The following TRAM1 variants were observed in gnomAD, a reference collection of about 807,000 sequenced individuals.
The protein encoded by TRAM1 is translocating chain-associated membrane protein 1.
In TRAM1, 17 loss-of-function variants were observed where a neutral mutation model predicts 48.7. The observed-to-expected ratio is 0.35, with a 90% CI of 0.24 to 0.52. TRAM1 has a LOEUF of 0.52. TRAM1 is among the 20% of genes least tolerant of loss of function. TRAM1 has a pLI of 0.94. For synonymous variants in TRAM1, 182 were observed against 154.0 expected (o/e 1.18, Z -1.34); for missense variants, 351 against 441.5 (o/e 0.79, Z 1.84).
In TRAM1 at chr8:70,596,312, T is replaced by C; in HGVS notation, c.436A>G (p.Ile146Val). The C allele has an allele frequency of 1.9e-6, 3 of 1,597,132 alleles. No individual in the cohort carries two copies. Among genetic ancestry groups the C allele is most frequent in the East Asian group, 4.6e-5 (2 of 43,622 alleles). Residue 146 changes from isoleucine to valine, a missense_variant, in exon 5 of 11, where the codon ATC becomes GTC. Ile to Val is a conservative substitution (Grantham distance 29). Coordinates refer to ENST00000262213, the MANE Select transcript of TRAM1 (RefSeq NM_014294.6). ...CTCCATAAGATAGTTGGGTCTGAGA[T>C]GTAGTTTTCCTAAGAAAGAAGATAT... ...GTFILISENY[I>V]SDPTILWRAY... is the part of the protein sequence containing the mutation.
intron 2 of TRAM1, among the ~76,000 whole-genome samples, chr8:70,598,954 T>A (rs529845461): frequency 2.0e-5 from 3 of 152,300 alleles, no homozygotes; most frequent in South Asian, 4.1e-4. Context: ...TTTACAAAAC[T>A]GTACATAACT....
chr8:70,574,364 T>G lies in TRAM1; in HGVS notation c.*568A>C, dbSNP rs923868025. 3.5e-6 allele frequency: 1 copy of G among 282,836 alleles called. No homozygotes were observed. Among genetic ancestry groups the G allele is most frequent in the African/African-American group, 2.3e-5 (1 of 42,958 alleles). The allele number at this position is 282,836 out of a possible 1,614,324, so 17.5% of individuals were successfully genotyped here. A position where few individuals can be genotyped will look rare whatever the true frequency, so the allele number is the denominator to read the frequency against. On this transcript the variant is annotated 3_prime_UTR_variant, in exon 11 of 11. Coordinates refer to ENST00000262213, the MANE Select transcript of TRAM1 (RefSeq NM_014294.6). ...TATGTTTTTGTTTTTAAAATGGGGA[T>G]GTAATACTAATAACCACTACCTATA...
chr8:70,583,058 G>T, intron 10 of TRAM1, 106 bp downstream of exon 10: 1 of 1,256,750 alleles, frequency 8.0e-7, no homozygotes, highest in Non-Finnish European at 1.1e-6. Flanking sequence ...AAGCAGAATA[G>T]TATTTTCTTT....
chr8:70,598,968 C>G (rs987509298), intron 2 of TRAM1, among the ~76,000 whole-genome samples: 5 of 152,096 alleles, frequency 3.3e-5, no homozygotes, highest in African/African-American at 1.2e-4. Context: ...CATAACTGAA[C>G]AAAAACCCAA....
intron 6 of TRAM1, among the ~76,000 whole-genome samples, chr8:70,590,687 C>T (rs1243950370): frequency 1.3e-5 from 2 of 152,142 alleles, no homozygotes; most frequent in Admixed American, 1.3e-4. Flanking sequence ...GATAGTCAAC[C>T]GAGTCAATAA....
Position 70,583,068 on chromosome 8 carries a change from T to C in TRAM1, c.1051+96A>G, listed in dbSNP as rs1817114774. ...TTGAAAAGCAGAATAGTATTTTCTT[T>C]ATAAGACACCTTAAAACTAATAAAT... On this transcript the variant is annotated intron_variant, in intron 10 of 10. Coordinates refer to ENST00000262213, the MANE Select transcript of TRAM1 (RefSeq NM_014294.6). The C allele has an allele frequency of 5.2e-6, 7 of 1,353,906 alleles. No homozygotes were observed. In the South Asian group the frequency reaches 1.1e-4, roughly 20 times the overall value. The allele number at this position is 1,353,906 out of a possible 1,614,324, so 83.9% of individuals were successfully genotyped here.
At chr8:70,593,036 C>T (rs2132036837) in intron 6 of TRAM1, among the ~76,000 whole-genome samples, 1 of 152,218 alleles carries the variant, frequency 6.6e-6, no homozygotes, top group South Asian at 2.1e-4. Context: ...GAATCTGGGC[C>T]TAACAATTTT....
Position 70,583,307 on chromosome 8 carries a change from G to A in TRAM1, c.908C>T (p.Ser303Phe). The change falls in exon 10 of 11, where the codon TCC becomes TTC. Residue 303 changes from serine (S) to phenylalanine (F), a missense_variant. Coordinates refer to ENST00000262213, the MANE Select transcript of TRAM1 (RefSeq NM_014294.6). Reference sequence around the variant, plus strand: ...CATAAATGCCTGAGTAACGCAAATGGATGCCAGAACAGCGATTCTAAGAAA... The same window carrying A: ...CATAAATGCCTGAGTAACGCAAATGAATGCCAGAACAGCGATTCTAAGAAA... Reference protein sequence around the residue: ...VLAVRIAVLASICVTQAFMMW... With the variant: ...VLAVRIAVLAFICVTQAFMMW... 4 of 1,613,446 alleles carry A rather than the reference G, an allele frequency of 2.5e-6. No homozygotes were observed. The highest frequency in any genetic ancestry group is 1.1e-5 in the South Asian group (1 of 90,894).
chr8:70,576,330 C>T (rs944594426), intron 10 of TRAM1, among the ~76,000 whole-genome samples: 2 of 151,890 alleles, frequency 1.3e-5, no homozygotes, highest in East Asian at 1.9e-4. Context: ...AAAATCAACA[C>T]AAAAAGACAA....
intron 9 of TRAM1, 35 bp downstream of exon 9, chr8:70,583,615 T>G: frequency 6.3e-7 from 1 of 1,597,342 alleles, no homozygotes. Flanking sequence ...ATTATCTAGC[T>G]GTATAAAGTG....
At chr8:70,575,051 G>A in intron 10 of TRAM1, 46 bp from the exon 11 acceptor site, 3 of 1,364,850 alleles carry the variant, frequency 2.2e-6, no homozygotes, top group Non-Finnish European at 3.1e-6. Flanking sequence ...ATAAATAAAT[G>A]CAAGTTATAA....
intron 5 of TRAM1, among the ~76,000 whole-genome samples, chr8:70,595,535 AAT>A (rs1817468543): frequency 6.6e-6 from 1 of 152,156 alleles, no homozygotes; most frequent in East Asian, 1.9e-4. Flanking sequence ...AAGCACTTGC[AAT>A]GTACCTGGCA....
At chr8:70,577,766 G>C (rs771478121) in intron 10 of TRAM1, among the ~76,000 whole-genome samples, 1 of 152,238 alleles carries the variant, frequency 6.6e-6, no homozygotes, top group Non-Finnish European at 1.5e-5. Context: ...GGGGCTCCCT[G>C]AGCCAGGGCT....
intron 10 of TRAM1, 31 bp downstream of exon 10, chr8:70,583,133 A>G (rs748580578): frequency 1.6e-5 from 26 of 1,584,040 alleles, no homozygotes; most frequent in Non-Finnish European, 8.6e-6. Context: ...TTCTACTTCC[A>G]TGAGTTTTTC....
intron 1 of TRAM1, chr8:70,607,221 C>T: frequency 5.1e-6 from 5 of 985,308 alleles, no homozygotes; most frequent in Non-Finnish European, 6.0e-6. Context: ...CATTCAACAG[C>T]TGTTAAATAA....
intron 10 of TRAM1, among the ~76,000 whole-genome samples, chr8:70,578,820 A>G (rs893676552): frequency 6.6e-6 from 1 of 152,244 alleles, no homozygotes; most frequent in Non-Finnish European, 1.5e-5. Flanking sequence ...CTATTATTAC[A>G]TGAACAAAGA....
intron 6 of TRAM1, among the ~76,000 whole-genome samples, chr8:70,594,261 A>G (rs1310060069): frequency 1.3e-5 from 2 of 151,928 alleles, no homozygotes; most frequent in Non-Finnish European, 2.9e-5. Flanking sequence ...ACAAGCCATT[A>G]ACATATCAAA....
At chr8:70,591,909 TGTC>T (rs1817373652) in intron 6 of TRAM1, among the ~76,000 whole-genome samples, 2 of 151,876 alleles carry the variant, frequency 1.3e-5, no homozygotes, top group African/African-American at 4.8e-5. Context: ...GTGGAAAAAA[TGTC>T]ATCAGATTAA....
At position 70,574,583 on chromosome 8, in the gene TRAM1, T is replaced by C. The variant is rs1271782131; in HGVS notation, c.*349A>G. ...CTTAGAACAGGCCACTCTGCTATTA[T>C]AAAAAATTGGTGACAGCAAGAAATT... On this transcript the variant is annotated 3_prime_UTR_variant, in exon 11 of 11. Transcript: ENST00000262213. The C allele has an allele frequency of 4.7e-6, 1 of 213,098 alleles. No individual in the cohort carries two copies. The highest frequency in any genetic ancestry group is 2.4e-5 in the African/African-American group (1 of 42,034). 13.2% of individuals were successfully genotyped at this position (213,098 alleles called of 1,614,324 possible).
Sources: allele counts gnomAD v4.1 joint callset (sites outside exome capture counted in the v4.1 genomes callset), GRCh38; gene constraint gnomAD v4.1.1; transcripts MANE v1.5; gene names NCBI Gene and HGNC (gene_info 2026-07-23, HGNC 2026-07-21).